Variants in C12orf42 observed in about 807,000 individuals in gnomAD.
C12orf42 encodes the protein uncharacterized protein C12orf42.
Under a neutral mutation model 21.6 loss-of-function variants are expected in C12orf42, and 25 were observed. The observed-to-expected ratio is 1.16, with a 90% confidence interval of 0.84 to 1.62. The LOEUF (loss-of-function observed/expected upper bound fraction) is 1.62. Among genes scored for constraint, C12orf42 ranks in the 40% most tolerant of loss-of-function variants. C12orf42 has a pLI of 0.00. For missense variants in C12orf42, 483 were observed against 459.3 expected (o/e 1.05, Z -0.47); for synonymous variants, 174 against 175.0 (o/e 0.99, Z 0.05).
chr12:103,138,219 A>G, the C12orf42 span, among the ~76,000 whole-genome samples: 1 of 152,202 alleles, frequency 6.6e-6, no homozygotes, highest in African/African-American at 2.4e-5. Context: ...TGGAAGCTGC[A>G]TGATATGGTT....
the C12orf42 span, among the ~76,000 whole-genome samples, chr12:103,125,167 A>C: frequency 6.6e-6 from 1 of 152,214 alleles, no homozygotes; most frequent in African/African-American, 2.4e-5. Flanking sequence ...TTTTCAAAAA[A>C]GACTTTTGAG....
chr12:103,371,077 A>AT (rs2045182372), intron 3 of C12orf42, among the ~76,000 whole-genome samples: 1 of 152,114 alleles, frequency 6.6e-6, no homozygotes, highest in African/African-American at 2.4e-5. Context: ...GATATTGTGA[A>AT]TATTATGTGT....
chr12:103,553,341 T>C, the C12orf42 span, among the ~76,000 whole-genome samples: 1 of 152,148 alleles, frequency 6.6e-6, no homozygotes, highest in Non-Finnish European at 1.5e-5. Context: ...AGAAGGCATA[T>C]GACTCGCAGG....
rs1177734957 is a variant in C12orf42, at chr12:103,302,049, T to C, written c.*59A>G. 2.6e-6 allele frequency: 4 copies of C among 1,531,462 alleles called. No homozygotes were observed. In the African/African-American group the frequency reaches 5.5e-5, roughly 21 times the overall value. The allele number at this position is 1,531,462 out of a possible 1,614,324, so 94.9% of individuals were successfully genotyped here. A position where few individuals can be genotyped will look rare whatever the true frequency, so the allele number is the denominator to read the frequency against. On this transcript the variant is annotated 3_prime_UTR_variant, in exon 6 of 6. Transcript: ENST00000548883. ...GTACATCTGAGGCCCTTTCTGTTGTTCTGAGCAGGCATTGATTTGAAGATG... is the reference window on the plus strand; with the variant it reads ...GTACATCTGAGGCCCTTTCTGTTGTCCTGAGCAGGCATTGATTTGAAGATG...
chr12:103,344,119 A>G (rs1264137457), intron 4 of C12orf42, among the ~76,000 whole-genome samples: 2 of 152,208 alleles, frequency 1.3e-5, no homozygotes, highest in Non-Finnish European at 2.9e-5. Flanking sequence ...AGGCCCTCCT[A>G]CAGCTGTGCA....
At chr12:103,345,182 TA>T (rs1049634192) in intron 4 of C12orf42, among the ~76,000 whole-genome samples, 1 of 152,204 alleles carries the variant, frequency 6.6e-6, no homozygotes, top group African/African-American at 2.4e-5. Flanking sequence ...GGGATACATG[TA>T]AATCAGTTAC....
chr12:103,181,502 A>G, the C12orf42 span, among the ~76,000 whole-genome samples: 1,971 of 152,336 alleles, frequency 0.013, 21 homozygotes, highest in Non-Finnish European at 0.014. Flanking sequence ...GAAGAAAGAC[A>G]GAGGTGGAGG....
intron 2 of C12orf42, among the ~76,000 whole-genome samples, chr12:103,412,185 T>C (rs1265408958): frequency 6.6e-6 from 1 of 152,214 alleles, no homozygotes; most frequent in Non-Finnish European, 1.5e-5. Context: ...AACCTTGGAA[T>C]CAGCACAAGT....
chr12:103,122,129 T>G, the C12orf42 span, among the ~76,000 whole-genome samples: 1 of 152,222 alleles, frequency 6.6e-6, no homozygotes, highest in South Asian at 2.1e-4. Flanking sequence ...GGCTGCAGTT[T>G]GAAATGCTTT....
At chr12:103,452,565 A>G (rs1234389325) in intron 2 of C12orf42, among the ~76,000 whole-genome samples, 2 of 152,138 alleles carry the variant, frequency 1.3e-5, no homozygotes, top group Non-Finnish European at 2.9e-5. Context: ...TACTATAAAG[A>G]CACATGTACA....
chr12:103,055,282 T>C, the C12orf42 span, among the ~76,000 whole-genome samples: 1 of 151,838 alleles, frequency 6.6e-6, no homozygotes, highest in Non-Finnish European at 1.5e-5. Flanking sequence ...TTATATTGAG[T>C]TGTGAGTAGT....
chr12:103,408,538 C>T (rs973166886), intron 2 of C12orf42, among the ~76,000 whole-genome samples: 2 of 151,992 alleles, frequency 1.3e-5, no homozygotes, highest in Non-Finnish European at 2.9e-5. Flanking sequence ...AACCCAATTC[C>T]TCTCTCAATA....
At chr12:103,344,930 C>A (rs1214090556) in intron 4 of C12orf42, among the ~76,000 whole-genome samples, 1 of 152,198 alleles carries the variant, frequency 6.6e-6, no homozygotes. Flanking sequence ...CACAAGGTAG[C>A]TCTGGGTGAA....
the C12orf42 span, among the ~76,000 whole-genome samples, chr12:103,532,909 G>C: frequency 3.3e-5 from 5 of 152,172 alleles, no homozygotes; most frequent in Non-Finnish European, 7.4e-5. Flanking sequence ...AAACGCCCCT[G>C]CCCCACAGGC....
chr12:103,490,568 C>T (rs117106975), intron 1 of C12orf42, among the ~76,000 whole-genome samples: 5 of 151,896 alleles, frequency 3.3e-5, no homozygotes, highest in Non-Finnish European at 7.4e-5. Context: ...TCCTTTTCAA[C>T]GACTATGCCA....
the C12orf42 span, among the ~76,000 whole-genome samples, chr12:103,203,301 A>G: frequency 6.6e-6 from 1 of 152,228 alleles, no homozygotes. Flanking sequence ...ATGTTATCAC[A>G]GGATTTTTGT....
At chr12:103,430,335 C>CTA (rs1218781538) in intron 2 of C12orf42, among the ~76,000 whole-genome samples, 1 of 152,138 alleles carries the variant, frequency 6.6e-6, no homozygotes, top group Non-Finnish European at 1.5e-5. Flanking sequence ...AAGAAGACAT[C>CTA]TATGCGGCCA....
the C12orf42 span, among the ~76,000 whole-genome samples, chr12:103,082,950 A>G: frequency 7.2e-5 from 11 of 152,378 alleles, no homozygotes; most frequent in Middle Eastern, 6.8e-3. Flanking sequence ...AGGCAGTGGC[A>G]TACATCTTTA....
the C12orf42 span, among the ~76,000 whole-genome samples, chr12:103,056,938 G>T: frequency 2.0e-5 from 3 of 152,088 alleles, no homozygotes; most frequent in South Asian, 4.1e-4. Flanking sequence ...GCATTTTAAA[G>T]ATGGCTGCTT....
Sources: gnomAD v4.1 joint callset for allele counts (sites outside exome capture counted in the v4.1 genomes callset) on GRCh38, gnomAD v4.1.1 for gene constraint, MANE v1.5 for transcripts, NCBI Gene and HGNC (gene_info 2026-07-23, HGNC 2026-07-21) for gene names.